Variants in C13orf42 observed in about 807,000 individuals in gnomAD.
C13orf42 encodes the protein uncharacterized protein C13orf42.
At chr13:51,111,467 G>A (rs1339770013), upstream of C13orf42, among the ~76,000 whole-genome samples, 1 of 152,216 alleles carries the variant, frequency 6.6e-6, no homozygotes, top group Non-Finnish European at 1.5e-5. Context: ...ACTTAAAAAT[G>A]AGTGCCCTGG....
chr13:51,135,742 C>T (rs768114163), intron 1 of C13orf42, among the ~76,000 whole-genome samples: 1 of 152,116 alleles, frequency 6.6e-6, no homozygotes, highest in Admixed American at 6.5e-5. Flanking sequence ...GATTCCTCCC[C>T]CACCCTGGCT....
At chr13:51,126,759 G>C (rs1953580746) in intron 1 of C13orf42, among the ~76,000 whole-genome samples, 1 of 152,226 alleles carries the variant, frequency 6.6e-6, no homozygotes, top group East Asian at 1.9e-4. Flanking sequence ...AAGACTGGGG[G>C]AGATGGTTGC....
At chr13:51,109,611 G>A (rs563027945) in intron 1 of C13orf42, among the ~76,000 whole-genome samples, 4 of 152,062 alleles carry the variant, frequency 2.6e-5, no homozygotes, top group South Asian at 2.1e-4. Context: ...TTAATTAGCC[G>A]CGTGTGGTGG....
chr13:51,130,331 G>C (rs562681724), intron 1 of C13orf42, among the ~76,000 whole-genome samples: 2 of 152,082 alleles, frequency 1.3e-5, no homozygotes, highest in African/African-American at 4.8e-5. Context: ...TAAGGCCTGG[G>C]AACATGTGAA....
chr13:51,122,227 T>C (rs991536497), intron 1 of C13orf42, among the ~76,000 whole-genome samples: 34 of 151,820 alleles, frequency 2.2e-4, no homozygotes, highest in African/African-American at 8.2e-4. Context: ...ATGACCAGAA[T>C]ATATGATTAG....
chr13:51,141,675 G>A (rs1430033444), intron 1 of C13orf42, among the ~76,000 whole-genome samples: 1 of 151,992 alleles, frequency 6.6e-6, no homozygotes, highest in African/African-American at 2.4e-5. Context: ...GTGAGCACCT[G>A]TAATCCCAAC....
intron 1 of C13orf42, among the ~76,000 whole-genome samples, chr13:51,151,088 C>A (rs1437363630): frequency 1.3e-5 from 2 of 152,114 alleles, no homozygotes; most frequent in African/African-American, 4.8e-5. Flanking sequence ...GAATAACAGC[C>A]CCTAAAGACG....
rs147414701 is a variant in C13orf42, at chr13:51,135,074, C to G, written n.137-21852G>C. Among the ~76,000 whole-genome samples, 79 of 152,314 alleles carry G rather than the reference C, an allele frequency of 5.2e-4. 3 individuals are homozygous for G. The East Asian group carries it at 0.013, about 25-fold the overall frequency. On this transcript the variant is annotated intron_variant and non_coding_transcript_variant, in intron 1 of 4. Transcript: ENST00000433280. ...AAGCTCACCCAACCTCTTGAACCCT[C>G]GGGAGGCCTCTTGGGAGCCAGTTTT...
At chr13:51,153,444 CAG>C (rs143095880) in intron 1 of C13orf42, among the ~76,000 whole-genome samples, 21 of 149,428 alleles carry the variant, frequency 1.4e-4, no homozygotes, top group Admixed American at 1.3e-4. Flanking sequence ...AAAAACATGA[CAG>C]AGAGAGAGAG....
At chr13:51,121,810 C>T (rs953265439) in intron 1 of C13orf42, among the ~76,000 whole-genome samples, 1 of 152,162 alleles carries the variant, frequency 6.6e-6, no homozygotes, top group Non-Finnish European at 1.5e-5. Context: ...GCTGGAATTA[C>T]GGGCGTGAGC....
intron 1 of C13orf42, among the ~76,000 whole-genome samples, chr13:51,136,171 C>T (rs1953656153): frequency 6.6e-6 from 1 of 152,222 alleles, no homozygotes. Context: ...CCCCACCACA[C>T]TGTGCTCCCG....
At chr13:51,086,509 AGAGAGT>A (rs1566121917) in intron 2 of C13orf42, among the ~76,000 whole-genome samples, 2 of 150,656 alleles carry the variant, frequency 1.3e-5, no homozygotes, top group African/African-American at 5.0e-5. Flanking sequence ...TGTGTGAGAG[AGAGAGT>A]GTGTGTGTGT....
chr13:51,090,692 C>G (rs1217197651), intron 1 of C13orf42, among the ~76,000 whole-genome samples: 4 of 152,178 alleles, frequency 2.6e-5, no homozygotes, highest in Non-Finnish European at 4.4e-5. Flanking sequence ...TGGCTAGCAG[C>G]TCAAAGCAGC....
At chr13:51,114,753 A>C (rs995022194), upstream of C13orf42, among the ~76,000 whole-genome samples, 5 of 152,162 alleles carry the variant, frequency 3.3e-5, no homozygotes, top group Admixed American at 6.5e-5. Context: ...TATCTTGGCT[A>C]TTGTGAGTAA....
chr13:51,104,675 A>G (rs561464422), intron 1 of C13orf42, among the ~76,000 whole-genome samples: 1 of 151,726 alleles, frequency 6.6e-6, no homozygotes, highest in South Asian at 2.1e-4. Context: ...TCCAAATTAG[A>G]TGGTGGTGAA....
rs1431061991 is a variant in C13orf42, at chr13:51,083,711, C to T, written c.*440G>A. On this transcript the variant is annotated 3_prime_UTR_variant, in exon 4 of 4. Coordinates refer to ENST00000563710, the MANE Select transcript of C13orf42 (RefSeq NM_001351589.3). ...GCAGATCCAGCATGTCTCTGAGCCT[C>T]ATAGAAAGAGGAGCTACCTCTTTGA... 1 of 153,622 alleles carries T rather than the reference C, an allele frequency of 6.5e-6. No individual in the cohort carries two copies. Among genetic ancestry groups the T allele is most frequent in the Non-Finnish European group, 1.4e-5 (1 of 69,050 alleles). 9.5% of individuals were successfully genotyped at this position (153,622 alleles called of 1,614,324 possible).
chr13:51,168,760 G>T (rs1953921020), intron 1 of C13orf42, among the ~76,000 whole-genome samples: 1 of 152,148 alleles, frequency 6.6e-6, no homozygotes, highest in Non-Finnish European at 1.5e-5. Flanking sequence ...GGGTCAGGTG[G>T]GAGGTGATTG....
chr13:51,137,882 G>T (rs191305928), intron 1 of C13orf42, among the ~76,000 whole-genome samples: 2 of 152,256 alleles, frequency 1.3e-5, no homozygotes, highest in East Asian at 1.9e-4. Context: ...CACAGGGTTT[G>T]GTTTTGAAAC....
chr13:51,122,132 A>C (rs1953540524), intron 1 of C13orf42, among the ~76,000 whole-genome samples: 1 of 152,194 alleles, frequency 6.6e-6, no homozygotes, highest in Non-Finnish European at 1.5e-5. Flanking sequence ...AGGAAGGTTG[A>C]AAATATACAA....
Sources: gnomAD v4.1 joint callset for allele counts (sites outside exome capture counted in the v4.1 genomes callset) on GRCh38, gnomAD v4.1.1 for gene constraint, MANE v1.5 for transcripts, NCBI Gene and HGNC (gene_info 2026-07-23, HGNC 2026-07-21) for gene names.